Variants in ANXA10 observed in about 807,000 individuals in gnomAD.
ANXA10 encodes the protein annexin 14.
In ANXA10, 49 loss-of-function variants were observed where a neutral mutation model predicts 53.5. That is an observed-to-expected ratio of 0.92 (90% confidence interval 0.73 to 1.16). The LOEUF is 1.16. Among genes scored for constraint, ANXA10 ranks in the 50% most tolerant of loss-of-function variants. The pLI is 0.00. For missense variants in ANXA10, 393 were observed against 394.4 expected, an observed-to-expected ratio of 1.00 and a Z score of 0.03; for synonymous variants, 131 against 128.9, an observed-to-expected ratio of 1.02 and a Z score of -0.11.
At chr4:168,135,013 C>T (rs985598037) in intron 2 of ANXA10, among the ~76,000 whole-genome samples, 4 of 152,138 alleles carry the variant, frequency 2.6e-5, no homozygotes, top group African/African-American at 9.7e-5. Flanking sequence ...TCCTTATCTC[C>T]ATTATATATC....
intron 1 of ANXA10, among the ~76,000 whole-genome samples, chr4:168,098,439 C>G (rs1004175689): frequency 6.6e-6 from 1 of 152,096 alleles, no homozygotes; most frequent in Admixed American, 6.6e-5. Context: ...ACATCCGACC[C>G]TTATCTACCT....
chr4:168,094,313 CT>C (rs1171735570), intron 1 of ANXA10, among the ~76,000 whole-genome samples: 2 of 152,006 alleles, frequency 1.3e-5, no homozygotes, highest in Non-Finnish European at 2.9e-5. Flanking sequence ...ATTTTAAGTA[CT>C]TTTGATTAGC....
In ANXA10 at chr4:168,179,532, C is replaced by A. The variant is rs183890318; in HGVS notation, c.724+220C>A. On this transcript the variant is annotated intron_variant, in intron 9 of 11. Transcript: ENST00000359299. ...CTGATAACTTTAATGAACTGATACC[C>A]TTCCCTAACAGCTAGTTCAACTTTC... Among the ~76,000 whole-genome samples the A allele has an allele frequency of 7.9e-5, 12 of 152,268 alleles. No homozygotes were observed. In the East Asian group the frequency reaches 2.3e-3, roughly 29 times the overall value.
At chr4:168,182,318 ATTTTTTTTTT>A (rs542260478) in intron 10 of ANXA10, among the ~76,000 whole-genome samples, 1,486 of 49,844 alleles carry the variant, frequency 0.03, 116 homozygotes, top group East Asian at 0.22. Context: ...TGGAGCATTA[ATTTTTTTTTT>A]TTTTTTTTTT....
At chr4:168,173,742 A>G (rs1456110902) in intron 6 of ANXA10, among the ~76,000 whole-genome samples, 1 of 152,174 alleles carries the variant, frequency 6.6e-6, no homozygotes, top group Non-Finnish European at 1.5e-5. Context: ...AGATAAATCC[A>G]CAGACCGGAT....
chr4:168,123,864 T>C (rs552051571), intron 1 of ANXA10, among the ~76,000 whole-genome samples: 23 of 151,906 alleles, frequency 1.5e-4, no homozygotes, highest in African/African-American at 4.8e-4. Context: ...TAAGGGGAGG[T>C]CACAGAGAGG....
chr4:168,124,850 G>A (rs999625052), intron 1 of ANXA10, among the ~76,000 whole-genome samples: 4 of 152,130 alleles, frequency 2.6e-5, no homozygotes, highest in African/African-American at 9.7e-5. Flanking sequence ...TCTTTTAGAA[G>A]GATCATTTTG....
At chr4:168,093,354 T>C (rs918220566) in intron 1 of ANXA10, among the ~76,000 whole-genome samples, 1 of 152,154 alleles carries the variant, frequency 6.6e-6, no homozygotes, top group Non-Finnish European at 1.5e-5. Context: ...GTCTGAATCA[T>C]TTTAGTCCAA....
At chr4:168,115,493 A>ACATG (rs1730877884) in intron 1 of ANXA10, among the ~76,000 whole-genome samples, 1 of 109,724 alleles carries the variant, frequency 9.1e-6, no homozygotes, top group Non-Finnish European at 1.7e-5. Flanking sequence ...CCTACAATAC[A>ACATG]CACGCACACA....
At chr4:168,165,922 C>T (rs944551479) in intron 6 of ANXA10, among the ~76,000 whole-genome samples, 21 of 152,220 alleles carry the variant, frequency 1.4e-4, no homozygotes, top group Non-Finnish European at 2.2e-4. Flanking sequence ...GGTGATCCGC[C>T]TGCCTCAGCC....
At chr4:168,123,918 C>T (rs376702184) in intron 1 of ANXA10, among the ~76,000 whole-genome samples, 23 of 152,252 alleles carry the variant, frequency 1.5e-4, no homozygotes, top group African/African-American at 4.8e-4. Flanking sequence ...TAGGTATCTT[C>T]CCAAATTATT....
intron 1 of ANXA10, among the ~76,000 whole-genome samples, chr4:168,096,228 A>G (rs1175745644): frequency 6.6e-6 from 1 of 152,194 alleles, no homozygotes; most frequent in African/African-American, 2.4e-5. Context: ...TTCCCAGGAC[A>G]AAAACTTCCA....
intron 1 of ANXA10, among the ~76,000 whole-genome samples, chr4:168,094,477 A>G (rs771360051): frequency 1.8e-4 from 27 of 152,162 alleles, no homozygotes; most frequent in African/African-American, 3.9e-4. Flanking sequence ...AAAAAGGCCA[A>G]TATTTGAGGC....
chr4:168,107,496 T>G (rs977692363), intron 1 of ANXA10, among the ~76,000 whole-genome samples: 1 of 152,360 alleles, frequency 6.6e-6, no homozygotes, highest in African/African-American at 2.4e-5. Context: ...AAAAACCATA[T>G]GCCTTTATTT....
At chr4:168,128,007 A>T (rs1476920482) in intron 1 of ANXA10, 77 bp from the exon 2 acceptor site, 5 of 1,311,202 alleles carry the variant, frequency 3.8e-6, no homozygotes, top group Admixed American at 1.7e-5. Flanking sequence ...TACAGGTATG[A>T]GCCACTGTGC....
intron 6 of ANXA10, among the ~76,000 whole-genome samples, chr4:168,167,731 G>A (rs553544481): frequency 1.3e-5 from 2 of 152,290 alleles, no homozygotes; most frequent in Admixed American, 6.5e-5. Context: ...CGCATGCAAA[G>A]TTCTTTCCTA....
At chr4:168,179,982 A>C (rs1732209603) in intron 9 of ANXA10, among the ~76,000 whole-genome samples, 1 of 152,234 alleles carries the variant, frequency 6.6e-6, no homozygotes, top group Non-Finnish European at 1.5e-5. Context: ...AAAGGGGATC[A>C]TTATGAAATA....
intron 8 of ANXA10, 114 bp from the exon 9 acceptor site, chr4:168,179,103 A>C: frequency 1.5e-6 from 1 of 660,082 alleles, no homozygotes; most frequent in South Asian, 1.7e-5. Flanking sequence ...AATTGATAAC[A>C]GTAGTACTTT....
In ANXA10 at chr4:168,153,438, AAAACAAAAACAAAAACAAAAC is replaced by A. The variant is rs1332882328; in HGVS notation, c.196-9086_196-9066del. On this transcript the variant is annotated intron_variant, in intron 3 of 11. Transcript: ENST00000359299. ...AGCCTAAAGCAAAAAAAAAAAAAAAAAAACAAAAACAAAAACAAAACAAAAAAAAAAACCAATAACAACAAC... is the reference window on the plus strand; with the variant it reads ...AGCCTAAAGCAAAAAAAAAAAAAAAAAAAAAAAAAAACCAATAACAACAAC... Among the ~76,000 whole-genome samples the A allele has an allele frequency of 1.1e-3, 60 of 52,684 alleles. 1 individual carries two copies. The highest frequency in any genetic ancestry group is 1.7e-3 in the African/African-American group (25 of 14,854). The allele number at this position is 52,684 out of a possible 152,430, so 34.6% of individuals were successfully genotyped here.
Sources: allele counts gnomAD v4.1 joint callset (sites outside exome capture counted in the v4.1 genomes callset), GRCh38; gene constraint gnomAD v4.1.1; transcripts MANE v1.5; gene names NCBI Gene and HGNC (gene_info 2026-07-23, HGNC 2026-07-21).